The following C12orf42 variants were observed in gnomAD, a reference collection of about 807,000 sequenced individuals.
The protein encoded by C12orf42 is chromosome 12 open reading frame 42.
C12orf42 carries 25 observed loss-of-function variants against 21.6 expected under a neutral mutation model. The observed-to-expected ratio is 1.16, with a 90% CI of 0.84 to 1.62. The LOEUF (loss-of-function observed/expected upper bound fraction) is 1.62, where lower values mean the gene tolerates loss of function less well. C12orf42 is among the 40% of genes most tolerant of loss of function. The pLI is 0.00. For missense variants in C12orf42, 483 were observed against 459.3 expected (o/e 1.05, Z -0.47); for synonymous variants, 174 against 175.0 (o/e 0.99, Z 0.05).
At chr12:103,100,151 G>T in the C12orf42 span, among the ~76,000 whole-genome samples, 67 of 152,348 alleles carry the variant, frequency 4.4e-4, no homozygotes, top group Non-Finnish European at 8.4e-4. Flanking sequence ...CAAGGCAGGG[G>T]GCAGAGGCCC....
the C12orf42 span, among the ~76,000 whole-genome samples, chr12:103,533,362 C>A: frequency 2.6e-5 from 4 of 152,184 alleles, no homozygotes; most frequent in African/African-American, 7.2e-5. Flanking sequence ...AGTTCAGTAT[C>A]TTCAACAGCT....
At chr12:103,312,520 A>T (rs189505883) in intron 4 of C12orf42, among the ~76,000 whole-genome samples, 5 of 152,356 alleles carry the variant, frequency 3.3e-5, no homozygotes, top group African/African-American at 1.2e-4. Context: ...GAATAAAATG[A>T]GCAGGATCAG....
intron 2 of C12orf42, among the ~76,000 whole-genome samples, chr12:103,424,937 T>C (rs1356288345): frequency 1.3e-5 from 2 of 152,050 alleles, no homozygotes; most frequent in East Asian, 3.9e-4. Context: ...GATCCACTGG[T>C]TTGAAATTCT....
intron 4 of C12orf42, among the ~76,000 whole-genome samples, chr12:103,306,554 G>A: frequency 6.6e-6 from 1 of 152,132 alleles, no homozygotes; most frequent in East Asian, 1.9e-4. Context: ...GGATGTTTGT[G>A]CTGAGTTCTA....
the C12orf42 span, among the ~76,000 whole-genome samples, chr12:103,095,792 T>C: frequency 6.6e-6 from 1 of 152,188 alleles, no homozygotes. Context: ...AATGCCACAA[T>C]ATTAGAGTTG....
At position 103,294,323 on chromosome 12, in the gene C12orf42, G is replaced by T. The variant is rs749892409; in HGVS notation, n.338-17113C>A. 4.7e-5 allele frequency among the ~76,000 whole-genome samples: 7 copies of T among 148,764 alleles called. No homozygotes were observed. The East Asian group carries it at 1.4e-3, about 29-fold the overall frequency. ...GGAAAACACAGAGCATGGGAGTATG[G>T]AAGAAGCAGTAGTGGGAAGCCTAAA... On this transcript the variant is annotated intron_variant and non_coding_transcript_variant, in intron 4 of 6. Coordinates refer to the C12orf42 transcript ENST00000546526.
chr12:103,434,163 A>T (rs1950478224), intron 2 of C12orf42, among the ~76,000 whole-genome samples: 1 of 152,220 alleles, frequency 6.6e-6, no homozygotes, highest in Non-Finnish European at 1.5e-5. Context: ...TCTTAGAGCC[A>T]AGATGGCTAC....
intron 3 of C12orf42, among the ~76,000 whole-genome samples, chr12:103,373,502 C>G (rs2045438017): frequency 6.6e-6 from 1 of 152,098 alleles, no homozygotes; most frequent in Non-Finnish European, 1.5e-5. Flanking sequence ...GTTTTAGAAG[C>G]CATTCTAAGT....
chr12:103,265,160 G>A (rs990379255), downstream of C12orf42, among the ~76,000 whole-genome samples: 83 of 152,072 alleles, frequency 5.5e-4, no homozygotes, highest in African/African-American at 1.9e-3. Flanking sequence ...TTTCATAAGG[G>A]CTCCACCCTC....
Position 103,412,845 on chromosome 12 carries a change from A to G in C12orf42, c.79-11170T>C, listed in dbSNP as rs544657881. Reference sequence around the variant, plus strand: ...TTTCTTGTTAATTTAAGTTCCATATAGATTCTGGATATTTAGCCTTTGTGG... The same window carrying G: ...TTTCTTGTTAATTTAAGTTCCATATGGATTCTGGATATTTAGCCTTTGTGG... On this transcript the variant is annotated intron_variant, in intron 2 of 5. Transcript: ENST00000548883. Among the ~76,000 whole-genome samples the G allele has an allele frequency of 5.9e-4, 90 of 152,276 alleles. 1 individual carries two copies. The highest frequency in any genetic ancestry group is 1.7e-3 in the South Asian group (8 of 4,828).
At chr12:103,113,634 A>G in the C12orf42 span, among the ~76,000 whole-genome samples, 1 of 152,218 alleles carries the variant, frequency 6.6e-6, no homozygotes, top group Non-Finnish European at 1.5e-5. Context: ...CGTATAGTGC[A>G]CATATTAACC....
the C12orf42 span, among the ~76,000 whole-genome samples, chr12:103,550,261 A>G: frequency 6.6e-6 from 1 of 152,162 alleles, no homozygotes; most frequent in South Asian, 2.1e-4. Context: ...AAAAGAATAT[A>G]TTCACTTAAT....
At chr12:103,515,435 C>G in the C12orf42 span, among the ~76,000 whole-genome samples, 1 of 152,118 alleles carries the variant, frequency 6.6e-6, no homozygotes, top group Non-Finnish European at 1.5e-5. Flanking sequence ...TTCAGGAAAA[C>G]AAAAGCACCT....
At chr12:103,166,264 A>G in the C12orf42 span, among the ~76,000 whole-genome samples, 1 of 152,160 alleles carries the variant, frequency 6.6e-6, no homozygotes, top group Non-Finnish European at 1.5e-5. Context: ...TTAGGTTTAT[A>G]GGGTGGTTGT....
intron 1 of C12orf42, among the ~76,000 whole-genome samples, chr12:103,484,248 C>T (rs1954668000): frequency 6.6e-6 from 1 of 152,214 alleles, no homozygotes; most frequent in African/African-American, 2.4e-5. Flanking sequence ...CTGTCTTCCA[C>T]AATGGTTGAA....
At chr12:103,083,656 A>G in the C12orf42 span, among the ~76,000 whole-genome samples, 1 of 152,220 alleles carries the variant, frequency 6.6e-6, no homozygotes, top group African/African-American at 2.4e-5. Flanking sequence ...TGGTAGTTTC[A>G]TATAAAAAAC....
intron 4 of C12orf42, among the ~76,000 whole-genome samples, chr12:103,284,036 A>T (rs1228119860): frequency 6.6e-6 from 1 of 152,180 alleles, no homozygotes; most frequent in African/African-American, 2.4e-5. Flanking sequence ...GATGATAAAA[A>T]ATTTTGAGTG....
chr12:103,360,502 C>T (rs955641147), intron 4 of C12orf42, among the ~76,000 whole-genome samples: 1 of 151,986 alleles, frequency 6.6e-6, no homozygotes, highest in Non-Finnish European at 1.5e-5. Flanking sequence ...TTAGGGCTAT[C>T]AGAGCAAATC....
At chr12:103,148,304 A>G in the C12orf42 span, among the ~76,000 whole-genome samples, 1 of 152,178 alleles carries the variant, frequency 6.6e-6, no homozygotes, top group Admixed American at 6.6e-5. Context: ...TTCTATCAAG[A>G]GTCAAGCCCT....
Sources: gnomAD v4.1 joint callset for allele counts (sites outside exome capture counted in the v4.1 genomes callset) on GRCh38, gnomAD v4.1.1 for gene constraint, MANE v1.5 for transcripts, NCBI Gene and HGNC (gene_info 2026-07-23, HGNC 2026-07-21) for gene names.